ZNF124: variants seen among roughly 807,000 people sequenced by gnomAD.
ZNF124 encodes the protein zinc finger protein HZF-16.
A neutral mutation model predicts 26.6 loss-of-function variants in ZNF124; 25 were observed. That is an observed-to-expected ratio of 0.94 (90% CI 0.68 to 1.31). ZNF124 has a LOEUF of 1.31. Ranked by LOEUF, ZNF124 falls within the 40% of genes most tolerant of loss-of-function variation. The pLI, the probability that ZNF124 is intolerant of heterozygous loss-of-function variation, is 0.00. For synonymous variants in ZNF124, 129 were observed against 133.3 expected, an observed-to-expected ratio of 0.97 and a Z score of 0.22; for missense variants, 444 against 422.2, an observed-to-expected ratio of 1.05 and a Z score of -0.45.
chr1:247,133,583 G>A (rs1045018350), intron 3 of ZNF124, among the ~76,000 whole-genome samples: 11 of 151,946 alleles, frequency 7.2e-5, no homozygotes, highest in Non-Finnish European at 1.5e-4. Flanking sequence ...TCAGACTAAC[G>A]GTAGACATCT....
chr1:247,155,876 A>AAT lies in ZNF124; in HGVS notation c.*689_*690insAT. The AAT allele has an allele frequency of 1.6e-5, 13 of 788,822 alleles. No individual in the cohort carries two copies. The highest frequency in any genetic ancestry group is 2.0e-5 in the Non-Finnish European group (13 of 652,834). 48.9% of individuals were successfully genotyped at this position (788,822 alleles called of 1,614,324 possible). A position where few individuals can be genotyped will look rare whatever the true frequency, so the allele number is the denominator to read the frequency against. On this transcript the variant is annotated 3_prime_UTR_variant, in exon 4 of 4. Transcript: ENST00000543802. The stretch of plus-strand genomic sequence containing the variant: ...ACTCCATCTCAAAAAAAAAAAAAAA[A>AAT]GTCTCACCTCAATTTTTTTTTTTTC...
At chr1:247,141,290 C>G (rs1572065169) in intron 3 of ZNF124, among the ~76,000 whole-genome samples, 1 of 151,242 alleles carries the variant, frequency 6.6e-6, no homozygotes. Context: ...ATAGCAAGGG[C>G]AGTTCCACTG....
Position 247,156,542 on chromosome 1 carries a change from C to G in ZNF124, c.*24G>C, listed in dbSNP as rs1014183201. On this transcript the variant is annotated 3_prime_UTR_variant, in exon 4 of 4. Transcript: ENST00000543802. Reference sequence around the variant, plus strand: ...AGTATGTGACTGTTCATGTTTTTGACAAAAACTGTAGTGATTAAAGCCTTT... The same window carrying G: ...AGTATGTGACTGTTCATGTTTTTGAGAAAAACTGTAGTGATTAAAGCCTTT... 6 of 1,500,502 alleles carry G rather than the reference C, an allele frequency of 4.0e-6. No homozygotes were observed. Among genetic ancestry groups the G allele is most frequent in the Non-Finnish European group, 5.3e-6 (6 of 1,127,992 alleles). The allele number at this position is 1,500,502 out of a possible 1,614,324, so 92.9% of individuals were successfully genotyped here. A position where few individuals can be genotyped will look rare whatever the true frequency, so the allele number is the denominator to read the frequency against.
rs1673915348 is a variant in ZNF124 at position 247,168,643 on chromosome 1, G to A, written c.30+3205C>T. Reference sequence around the variant, plus strand: ...TAAAATGCCCATCAACCAATGAGGGGATAAAGAAAATGTGGTGGAATACTA... The same window carrying A: ...TAAAATGCCCATCAACCAATGAGGGAATAAAGAAAATGTGGTGGAATACTA... On this transcript the variant is annotated intron_variant, in intron 1 of 3. Coordinates refer to ENST00000543802, the MANE Select transcript of ZNF124 (RefSeq NM_001297568.2). The surrounding 1 kb of genome is among the most constrained non-coding windows in gnomAD (Gnocchi z 4.0). Among the ~76,000 whole-genome samples, 1 of 152,168 alleles carries A rather than the reference G, an allele frequency of 6.6e-6. No individual in the cohort carries two copies. The highest frequency in any genetic ancestry group is 1.5e-5 in the Non-Finnish European group (1 of 68,034).
chr1:247,134,755 T>G (rs1324782403), intron 3 of ZNF124, among the ~76,000 whole-genome samples: 2 of 152,216 alleles, frequency 1.3e-5, no homozygotes, highest in Non-Finnish European at 2.9e-5. Context: ...AGTGACCTAG[T>G]AGATGTCTAA....
At chr1:247,166,544 C>T (rs1673788599) in intron 1 of ZNF124, among the ~76,000 whole-genome samples, 1 of 152,136 alleles carries the variant, frequency 6.6e-6, no homozygotes, top group African/African-American at 2.4e-5. Flanking sequence ...CTAAAATAAA[C>T]ATTTACAAAA....
downstream of ZNF124, among the ~76,000 whole-genome samples, chr1:247,152,052 C>CG (rs543807867): frequency 6.6e-4 from 87 of 131,814 alleles, no homozygotes; most frequent in African/African-American, 2.6e-3. Flanking sequence ...CCCCACCCCC[C>CG]GCTTTTTTTT....
downstream of ZNF124, among the ~76,000 whole-genome samples, chr1:247,152,479 A>G (rs1672974421): frequency 6.6e-6 from 1 of 152,202 alleles, no homozygotes; most frequent in East Asian, 1.9e-4. Flanking sequence ...ATTCAACAAA[A>G]TAGACTAATT....
chr1:247,151,778 GATTA>G (rs1007673506), downstream of ZNF124, among the ~76,000 whole-genome samples: 11 of 150,896 alleles, frequency 7.3e-5, no homozygotes, highest in Non-Finnish European at 1.0e-4. Context: ...AGCACGGAGT[GATTA>G]ATTGTCTGAT....
At chr1:247,131,372 G>A (rs930904083) in intron 3 of ZNF124, among the ~76,000 whole-genome samples, 3 of 152,136 alleles carry the variant, frequency 2.0e-5, no homozygotes, top group African/African-American at 7.2e-5. Flanking sequence ...ACCCTGGAAC[G>A]CCCAGATTCT....
intron 3 of ZNF124, among the ~76,000 whole-genome samples, chr1:247,127,450 A>G (rs1387086360): frequency 1.3e-5 from 1 of 77,446 alleles, no homozygotes; most frequent in Non-Finnish European, 2.8e-5. Context: ...ATCATCACTT[A>G]AGGGAGGAGA....
chr1:247,151,033 C>T (rs535235597), downstream of ZNF124, among the ~76,000 whole-genome samples: 21 of 152,022 alleles, frequency 1.4e-4, no homozygotes, highest in South Asian at 2.1e-3. Context: ...CCTAAAATAG[C>T]GGGAGATGAG....
chr1:247,169,684 A>T (rs1673985367), intron 1 of ZNF124, among the ~76,000 whole-genome samples: 1 of 148,932 alleles, frequency 6.7e-6, no homozygotes, highest in African/African-American at 2.5e-5. Flanking sequence ...TGTACTTTGG[A>T]ATAGCTGTTC....
At chr1:247,159,976 G>GTTTTTTTTTTTTTTTTTTTTTTTTTTT (rs779659255) in intron 1 of ZNF124, 163 bp from the exon 2 acceptor site, 1 of 246,280 alleles carries the variant, frequency 4.1e-6, no homozygotes, top group Non-Finnish European at 6.7e-6. Context: ...CCACATAGCA[G>GTTTTTTTTTTTTTTTTTTTTTTTTTTT]TTCTTTTTTT....
At chr1:247,148,887 G>A (rs751845135) in intron 3 of ZNF124, among the ~76,000 whole-genome samples, 1 of 151,938 alleles carries the variant, frequency 6.6e-6, no homozygotes, top group Non-Finnish European at 1.5e-5. Flanking sequence ...GGAGAATGGC[G>A]TGAACCCAGG....
rs373609862 is a variant in ZNF124, at chr1:247,156,158, C to G, written c.*408G>C. On this transcript the variant is annotated 3_prime_UTR_variant, in exon 4 of 4. Transcript: ENST00000543802. ...ATTTCTAGGATTTCAATCTGGTGGG[C>G]ATTCTTTTATTTATAAGGTCAATCT... The G allele has an allele frequency of 3.0e-6, 3 of 990,242 alleles. No individual in the cohort carries two copies. Among genetic ancestry groups the G allele is most frequent in the Non-Finnish European group, 3.6e-6 (3 of 833,606 alleles). The allele number at this position is 990,242 out of a possible 1,614,324, so 61.3% of individuals were successfully genotyped here. A position where few individuals can be genotyped will look rare whatever the true frequency, so the allele number is the denominator to read the frequency against.
In ZNF124 at chr1:247,156,651, C is replaced by T; in HGVS notation, c.971G>A (p.Gly324Asp). ...GGTACTAGCACGACTAAAGGCTTTG[C>T]CACATTTCTGACATTCATAGGGTTT... The part of the protein sequence containing the change: ...GEKPYECQKC[G>D]KAFSRASTLW... The change falls in exon 4 of 4, where the codon GGC (glycine) becomes GAC (aspartate). Residue 324 changes from glycine to aspartate, a missense_variant. Coordinates refer to ENST00000543802, the MANE Select transcript of ZNF124 (RefSeq NM_001297568.2). 1 of 1,610,438 alleles carries T rather than the reference C, an allele frequency of 6.2e-7. No individual in the cohort carries two copies. The highest frequency in any genetic ancestry group is 1.1e-5 in the South Asian group (1 of 90,496).
rs1170658447 is a variant in ZNF124, at chr1:247,128,554, C to G, written c.219-4683G>C. Among the ~76,000 whole-genome samples, 5 of 148,798 alleles carry G rather than the reference C, an allele frequency of 3.4e-5. No homozygotes were observed. In the Admixed American group the frequency reaches 3.4e-4, roughly 10 times the overall value. On this transcript the variant is annotated intron_variant, in intron 3 of 3. Transcript: ENST00000472531. ...CTGGATGGCATGAATCCCCTGGGACCGAGAGGAGTCTCCTGGGATACTCTT... is the reference window on the plus strand; with the variant it reads ...CTGGATGGCATGAATCCCCTGGGACGGAGAGGAGTCTCCTGGGATACTCTT...
exon 4 of ZNF124, chr1:247,122,994 T>C (rs1464710026): frequency 6.6e-6 from 1 of 152,150 alleles, no homozygotes; most frequent in African/African-American, 2.4e-5. Flanking sequence ...TGGTTGCTGT[T>C]TGGAATGTGG....
Sources: gnomAD v4.1 joint callset for allele counts (sites outside exome capture counted in the v4.1 genomes callset) on GRCh38, gnomAD v4.1.1 for gene constraint, Gnocchi (gnomAD v3.1) non-coding constraint, MANE v1.5 for transcripts, NCBI Gene and HGNC (gene_info 2026-07-23, HGNC 2026-07-21) for gene names.